Variants in DLGAP4 observed in about 807,000 individuals in gnomAD.
DLGAP4 encodes the protein disks large-associated protein 4.
A neutral mutation model predicts 86.9 loss-of-function variants in DLGAP4; 18 were observed. The ratio of observed to expected loss-of-function variants is 0.21; its 90% confidence interval spans 0.14 to 0.31. The LOEUF (loss-of-function observed/expected upper bound fraction) is 0.31. Among genes scored for constraint, DLGAP4 ranks in the 10% least tolerant of loss-of-function variants. The probability of loss-of-function intolerance (pLI) is 1.00; values close to 1 mark genes in which losing one functional copy is unlikely to be tolerated. For synonymous variants in DLGAP4, 548 were observed against 574.3 expected, an observed-to-expected ratio of 0.95 and a Z score of 0.65; for missense variants, 1,085 against 1,362.6, an observed-to-expected ratio of 0.80 and a Z score of 3.21.
rs182549376 is a variant in DLGAP4, at chr20:36,486,777, A to G, written c.1649-9928A>G. Among the ~76,000 whole-genome samples the G allele has an allele frequency of 1.8e-3, 277 of 151,994 alleles. 2 individuals are homozygous for G. Among genetic ancestry groups the G allele is most frequent in the African/African-American group, 6.3e-3 (262 of 41,438 alleles). On this transcript the variant is annotated intron_variant, in intron 7 of 12. Transcript: ENST00000339266. ...AGGCCTGCGCCACCACACCCGGCCA[A>G]TTTTTTGTATTTTTAGTAGAGGCGG... is the stretch of plus-strand genomic sequence containing the variant.
At chr20:36,518,835 A>G (rs186746124) in intron 10 of DLGAP4, among the ~76,000 whole-genome samples, 1 of 152,218 alleles carries the variant, frequency 6.6e-6, no homozygotes, top group Non-Finnish European at 1.5e-5. Context: ...ATAAAAAATT[A>G]GGCCGGGCGC....
intron 1 of DLGAP4, among the ~76,000 whole-genome samples, chr20:36,341,262 G>A (rs756970311): frequency 6.6e-6 from 1 of 152,178 alleles, no homozygotes; most frequent in Non-Finnish European, 1.5e-5. Flanking sequence ...ACTTTTCAGA[G>A]GAGCCTTCTG....
chr20:36,490,821 G>T (rs371126047), intron 7 of DLGAP4, among the ~76,000 whole-genome samples: 1 of 152,114 alleles, frequency 6.6e-6, no homozygotes, highest in Non-Finnish European at 1.5e-5. Flanking sequence ...TGTGTCCTCC[G>T]CATCCCTCGG....
chr20:36,462,050 GTTTC>G (rs2147619693), intron 7 of DLGAP4: 1 of 987,658 alleles, frequency 1.0e-6, no homozygotes, highest in South Asian at 4.6e-5. Context: ...CTCCCCGTGA[GTTTC>G]TTGCACATCC....
Position 36,526,103 on chromosome 20 carries a change from C to G in DLGAP4, c.2760+97C>G, listed in dbSNP as rs765380618. The G allele has an allele frequency of 1.9e-6, 3 of 1,565,568 alleles. No homozygotes were observed. The Admixed American group carries it at 5.0e-5, about 26-fold the overall frequency. ...GTCAGTGCTGCTTGGCTCCCTTCTC[C>G]GTGTGTCGTCTTTGAGCTGGGGTCT... is the stretch of plus-strand genomic sequence containing the variant. On this transcript the variant is annotated intron_variant, in intron 12 of 12. Transcript: ENST00000339266.
intron 7 of DLGAP4, among the ~76,000 whole-genome samples, chr20:36,452,534 T>TA (rs1283417143): frequency 6.6e-6 from 1 of 151,068 alleles, no homozygotes; most frequent in Non-Finnish European, 1.5e-5. Context: ...TTTTTTTTTT[T>TA]AGACAGAGTC....
chr20:36,423,811 G>A (rs894757781), intron 2 of DLGAP4, among the ~76,000 whole-genome samples: 6 of 151,984 alleles, frequency 3.9e-5, no homozygotes, highest in Admixed American at 3.3e-4. Flanking sequence ...AATACAAAAT[G>A]TAGCTGGGCA....
At chr20:36,522,352 G>A (rs2037430046) in intron 10 of DLGAP4, among the ~76,000 whole-genome samples, 1 of 152,174 alleles carries the variant, frequency 6.6e-6, no homozygotes, top group African/African-American at 2.4e-5. Flanking sequence ...TAGAGAGAGG[G>A]TTTCACTTTG....
intron 7 of DLGAP4, among the ~76,000 whole-genome samples, chr20:36,447,311 A>G (rs1479935521): frequency 1.3e-5 from 2 of 152,102 alleles, no homozygotes; most frequent in Admixed American, 6.5e-5. Context: ...GCAGGTTGGA[A>G]CCTGCAGAGA....
intron 7 of DLGAP4, among the ~76,000 whole-genome samples, chr20:36,456,323 G>A (rs779951639): frequency 1.3e-5 from 2 of 152,184 alleles, no homozygotes; most frequent in Non-Finnish European, 2.9e-5. Context: ...CCTGTGCGTG[G>A]GAGCCACCCA....
At chr20:36,512,325 C>T (rs1230419007) in intron 10 of DLGAP4, among the ~76,000 whole-genome samples, 1 of 152,072 alleles carries the variant, frequency 6.6e-6, no homozygotes, top group Non-Finnish European at 1.5e-5. Flanking sequence ...GCTGGGATTA[C>T]AGGCGTGAGC....
At chr20:36,525,381 T>TCCC (rs1252119820) in intron 11 of DLGAP4, 1 of 201,908 alleles carries the variant, frequency 5.0e-6, no homozygotes, top group Non-Finnish European at 1.0e-5. Context: ...ATGTGTGTAC[T>TCCC]CCCAGCGGGA....
Position 36,500,278 on chromosome 20 carries a change from A to G in DLGAP4, c.2179A>G (p.Lys727Glu). Residue 727 changes from lysine (K) to glutamate (E), a missense_variant, in exon 10 of 13, where the codon AAG becomes GAG. Lys to Glu is a moderately conservative substitution (Grantham distance 56). This residue lies in a region of DLGAP4 where 1,082 missense variants were observed against 1,344.1 expected (regional missense o/e 0.81). Coordinates refer to ENST00000339266, the MANE Select transcript of DLGAP4 (RefSeq NM_001365621.2). This position sits in a 1 kb window ranked among gnomAD's most constrained non-coding sequence, Gnocchi z 4.6. ...DTQDANDSSC[K>E]SSERSLPDCT... ...CCAGGATGCCAATGACTCAAGCTGT[A>G]AGTCATCTGAGAGGAGCCTCCCGGA... The G allele has an allele frequency of 6.2e-7, 1 of 1,613,046 alleles. No individual in the cohort carries two copies. Among genetic ancestry groups the G allele is most frequent in the East Asian group, 2.2e-5 (1 of 44,758 alleles).
chr20:36,362,513 G>A (rs1474293513), intron 1 of DLGAP4, among the ~76,000 whole-genome samples: 3 of 152,174 alleles, frequency 2.0e-5, no homozygotes, highest in African/African-American at 7.2e-5. Flanking sequence ...TCAGAGGTGT[G>A]AGCTGGGCTG....
intron 7 of DLGAP4, among the ~76,000 whole-genome samples, chr20:36,479,039 G>T (rs1234695893): frequency 6.6e-6 from 1 of 152,150 alleles, no homozygotes; most frequent in Non-Finnish European, 1.5e-5. Flanking sequence ...CATTGTTGGG[G>T]CAGAGTTCTA....
intron 1 of DLGAP4, among the ~76,000 whole-genome samples, chr20:36,342,622 A>G (rs2065394793): frequency 6.6e-6 from 1 of 152,200 alleles, no homozygotes; most frequent in African/African-American, 2.4e-5. Flanking sequence ...GAAGCCTCAG[A>G]AAAATGGGTC....
intron 1 of DLGAP4, among the ~76,000 whole-genome samples, chr20:36,360,110 A>G (rs2030465981): frequency 6.6e-6 from 1 of 152,224 alleles, no homozygotes; most frequent in African/African-American, 2.4e-5. Flanking sequence ...CACTGTGCTA[A>G]GAGATATACT....
intron 2 of DLGAP4, among the ~76,000 whole-genome samples, chr20:36,416,433 T>C (rs1441486957): frequency 6.6e-6 from 1 of 152,238 alleles, no homozygotes; most frequent in Non-Finnish European, 1.5e-5. Flanking sequence ...AACCATGACA[T>C]TTTTGAGAAT....
intron 2 of DLGAP4, among the ~76,000 whole-genome samples, chr20:36,416,742 A>AAGCAGGGAAAGGCTT (rs2032665403): frequency 6.6e-6 from 1 of 152,108 alleles, no homozygotes; most frequent in Non-Finnish European, 1.5e-5. Context: ...GGCTAAGGAT[A>AAGCAGGGAAAGGCTT]GGGTGTTTTA....
Sources: gnomAD v4.1 joint callset for allele counts (sites outside exome capture counted in the v4.1 genomes callset) on GRCh38, gnomAD v4.1.1 for gene constraint, gnomAD v4.1.1 regional missense constraint, Gnocchi (gnomAD v3.1) non-coding constraint, MANE v1.5 for transcripts, NCBI Gene and HGNC (gene_info 2026-07-23, HGNC 2026-07-21) for gene names.